The following KCNJ3 variants were observed in gnomAD, a reference collection of about 807,000 sequenced individuals.
KCNJ3 encodes potassium inwardly rectifying channel subfamily J member 3.
In KCNJ3, 4 loss-of-function variants were observed where a neutral mutation model predicts 39.2. The ratio of observed to expected loss-of-function variants is 0.10; its 90% CI spans 0.05 to 0.23. The LOEUF is 0.23. Among genes scored for constraint, KCNJ3 ranks in the 10% least tolerant of loss-of-function variants. The pLI, the probability that KCNJ3 is intolerant of heterozygous loss-of-function variation, is 1.00. For missense variants in KCNJ3, 276 were observed against 634.9 expected (o/e 0.43, Z 6.08); for synonymous variants, 230 against 237.4 (o/e 0.97, Z 0.29).
At chr2:154,836,290 C>T (rs1404183387) in intron 2 of KCNJ3, among the ~76,000 whole-genome samples, 1 of 151,044 alleles carries the variant, frequency 6.6e-6, no homozygotes, top group Non-Finnish European at 1.5e-5. Context: ...AGTTGAGCTA[C>T]ATTTTAGCAT....
At chr2:154,838,108 G>C (rs2105126676) in intron 2 of KCNJ3, among the ~76,000 whole-genome samples, 1 of 152,264 alleles carries the variant, frequency 6.6e-6, no homozygotes, top group South Asian at 2.1e-4. Flanking sequence ...TTGTGTGTGT[G>C]ACAATATGAC....
At chr2:154,836,886 A>AAAT (rs1382287296) in intron 2 of KCNJ3, among the ~76,000 whole-genome samples, 1 of 152,232 alleles carries the variant, frequency 6.6e-6, no homozygotes, top group Non-Finnish European at 1.5e-5. Flanking sequence ...AGATGTTAAA[A>AAAT]AATAGCCCTA....
intron 2 of KCNJ3, among the ~76,000 whole-genome samples, chr2:154,845,042 G>T (rs1279332923): frequency 6.6e-6 from 1 of 152,170 alleles, no homozygotes; most frequent in Non-Finnish European, 1.5e-5. Flanking sequence ...TGATCACATT[G>T]GGAGCTGTAG....
chr2:154,725,932 C>T (rs906036332), intron 2 of KCNJ3, among the ~76,000 whole-genome samples: 10 of 152,232 alleles, frequency 6.6e-5, no homozygotes, highest in Middle Eastern at 3.4e-3. Context: ...ACTTGATCCT[C>T]ATCTCTCATC....
At chr2:154,829,523 T>C (rs1396150250) in intron 2 of KCNJ3, among the ~76,000 whole-genome samples, 3 of 152,176 alleles carry the variant, frequency 2.0e-5, no homozygotes, top group African/African-American at 4.8e-5. Flanking sequence ...TAAAATCCAG[T>C]CAACCAGTGA....
intron 1 of KCNJ3, among the ~76,000 whole-genome samples, chr2:154,703,181 A>G (rs931346088): frequency 5.3e-5 from 8 of 152,062 alleles, no homozygotes; most frequent in African/African-American, 1.9e-4. Flanking sequence ...TCTCAATGCC[A>G]TCATATATAT....
intron 2 of KCNJ3, among the ~76,000 whole-genome samples, chr2:154,834,429 G>A (rs1034699817): frequency 6.6e-6 from 1 of 152,010 alleles, no homozygotes; most frequent in Non-Finnish European, 1.5e-5. Context: ...ATATTACAAG[G>A]ATTTGAAAAT....
At chr2:154,843,230 A>C (rs1687607428) in intron 2 of KCNJ3, among the ~76,000 whole-genome samples, 1 of 152,158 alleles carries the variant, frequency 6.6e-6, no homozygotes, top group African/African-American at 2.4e-5. Context: ...TTCTGGGTTG[A>C]AAATTCTTTG....
intron 2 of KCNJ3, among the ~76,000 whole-genome samples, chr2:154,760,594 C>A (rs1446514734): frequency 6.6e-6 from 1 of 151,936 alleles, no homozygotes; most frequent in African/African-American, 2.4e-5. Flanking sequence ...CATTCTGCCA[C>A]CCAGCCTGGA....
At chr2:154,804,735 C>A (rs1443452602) in intron 2 of KCNJ3, among the ~76,000 whole-genome samples, 1 of 152,132 alleles carries the variant, frequency 6.6e-6, no homozygotes, top group Non-Finnish European at 1.5e-5. Flanking sequence ...CATGTTCATA[C>A]ACTAAAAATA....
At chr2:154,770,510 T>C (rs1277877368) in intron 2 of KCNJ3, among the ~76,000 whole-genome samples, 3 of 152,148 alleles carry the variant, frequency 2.0e-5, no homozygotes, top group African/African-American at 7.2e-5. Context: ...TATTATTGTG[T>C]AGTATCTTGA....
At chr2:154,797,251 T>G (rs923135732) in intron 2 of KCNJ3, among the ~76,000 whole-genome samples, 5 of 152,230 alleles carry the variant, frequency 3.3e-5, no homozygotes, top group Admixed American at 2.0e-4. Context: ...TTTGTAAAAC[T>G]GAGGTATTAA....
chr2:154,703,337 A>G (rs1361760042), intron 1 of KCNJ3, among the ~76,000 whole-genome samples: 1 of 152,084 alleles, frequency 6.6e-6, no homozygotes, highest in Non-Finnish European at 1.5e-5. Context: ...TTTATTGCCA[A>G]TAGGCATCCT....
chr2:154,743,597 A>AT (rs559982564), intron 2 of KCNJ3, among the ~76,000 whole-genome samples: 77 of 149,274 alleles, frequency 5.2e-4, no homozygotes, highest in African/African-American at 1.3e-3. Context: ...TACATGCTGT[A>AT]TTTTTTTTTG....
chr2:154,731,843 C>T (rs1325138611), intron 2 of KCNJ3, among the ~76,000 whole-genome samples: 1 of 151,572 alleles, frequency 6.6e-6, no homozygotes, highest in Non-Finnish European at 1.5e-5. Flanking sequence ...ATTGTCCTAC[C>T]AAATGAAAAT....
At chr2:154,852,105 T>C (rs924935025) in intron 2 of KCNJ3, among the ~76,000 whole-genome samples, 7 of 152,202 alleles carry the variant, frequency 4.6e-5, no homozygotes, top group African/African-American at 1.4e-4. Context: ...AGGACAAACT[T>C]ACAAACTTTC....
At chr2:154,762,746 G>T (rs1686067097) in intron 2 of KCNJ3, among the ~76,000 whole-genome samples, 1 of 152,272 alleles carries the variant, frequency 6.6e-6, no homozygotes, top group Non-Finnish European at 1.5e-5. Context: ...AGGAGAACTG[G>T]AAAGAGGAAA....
chr2:154,832,433 G>GTGA (rs1687379917), intron 2 of KCNJ3, among the ~76,000 whole-genome samples: 1 of 152,100 alleles, frequency 6.6e-6, no homozygotes, highest in African/African-American at 2.4e-5. Flanking sequence ...TTGTTTGATG[G>GTGA]TGATGGAAAC....
chr2:154,760,672 G>C (rs1686021962), intron 2 of KCNJ3, among the ~76,000 whole-genome samples: 1 of 151,342 alleles, frequency 6.6e-6, no homozygotes. Context: ...TTTCACTTCA[G>C]CCTCCCAAGT....
Sources: gnomAD v4.1 joint callset for allele counts (sites outside exome capture counted in the v4.1 genomes callset) on GRCh38, gnomAD v4.1.1 for gene constraint, MANE v1.5 for transcripts, NCBI Gene and HGNC (gene_info 2026-07-23, HGNC 2026-07-21) for gene names.